Variants in PAMR1 observed in about 807,000 individuals in gnomAD.
PAMR1 encodes peptidase domain containing associated with muscle regeneration 1.
PAMR1 carries 88 observed loss-of-function variants against 81.8 expected under a neutral mutation model. That is an observed-to-expected ratio of 1.08 (90% CI 0.91 to 1.28). The LOEUF (loss-of-function observed/expected upper bound fraction) is 1.28, where lower values mean the gene tolerates loss of function less well. PAMR1 is among the 50% of genes most tolerant of loss of function. The pLI, the probability that PAMR1 is intolerant of heterozygous loss-of-function variation, is 0.00. For synonymous variants in PAMR1, 336 were observed against 345.3 expected, an observed-to-expected ratio of 0.97 and a Z score of 0.30; for missense variants, 935 against 919.7, an observed-to-expected ratio of 1.02 and a Z score of -0.21.
chr11:35,470,521 G>T, intron 5 of PAMR1, 80 bp downstream of exon 5: 1 of 1,075,814 alleles, frequency 9.3e-7, no homozygotes, highest in South Asian at 1.4e-5. Flanking sequence ...AGGATGAGAG[G>T]AAGAAAGGAA....
intron 3 of PAMR1, among the ~76,000 whole-genome samples, chr11:35,480,662 T>C (rs568905803): frequency 7.9e-5 from 12 of 152,340 alleles, no homozygotes; most frequent in Non-Finnish European, 1.6e-4. Flanking sequence ...TTTAAATACT[T>C]TTCAAATCTC....
intron 1 of PAMR1, among the ~76,000 whole-genome samples, chr11:35,508,218 A>G (rs757692552): frequency 8.5e-5 from 13 of 152,196 alleles, no homozygotes; most frequent in Non-Finnish European, 1.6e-4. Flanking sequence ...GAAGCTGGTT[A>G]TCCACCTCAA....
chr11:35,496,260 T>C (rs867873849), intron 1 of PAMR1, among the ~76,000 whole-genome samples: 4 of 152,248 alleles, frequency 2.6e-5, no homozygotes, highest in African/African-American at 7.2e-5. Context: ...AAAATAAAAA[T>C]GAATTAGACT....
At chr11:35,514,746 G>A (rs1181004238) in intron 1 of PAMR1, among the ~76,000 whole-genome samples, 1 of 152,182 alleles carries the variant, frequency 6.6e-6, no homozygotes, top group Non-Finnish European at 1.5e-5. Flanking sequence ...TAGAGCTTTG[G>A]GAGGCCGTGG....
chr11:35,441,298 A>C (rs1856158855), intron 7 of PAMR1, among the ~76,000 whole-genome samples, 183 bp downstream of exon 7: 1 of 149,084 alleles, frequency 6.7e-6, no homozygotes, highest in Non-Finnish European at 1.5e-5. Flanking sequence ...GGTCCTCTTG[A>C]GGTCAAAAAA....
rs1382725131 is a variant in PAMR1, at chr11:35,432,955, C to A, written c.1627-63G>T. The A allele has an allele frequency of 1.7e-5, 25 of 1,433,790 alleles. No individual in the cohort carries two copies. In the East Asian group the frequency reaches 5.5e-4, roughly 32 times the overall value. The allele number at this position is 1,433,790 out of a possible 1,614,324, so 88.8% of individuals were successfully genotyped here. On this transcript the variant is annotated intron_variant, in intron 10 of 10. Transcript: ENST00000619888. Reference sequence around the variant, plus strand: ...CAGCTCCACAGTGGATAAGAACAGACAAGGCTTGGAGCTAAATTTTTGGGA... The same window carrying A: ...CAGCTCCACAGTGGATAAGAACAGAAAAGGCTTGGAGCTAAATTTTTGGGA...
At chr11:35,524,596 C>A (rs146580809) in intron 1 of PAMR1, among the ~76,000 whole-genome samples, 1 of 152,156 alleles carries the variant, frequency 6.6e-6, no homozygotes, top group African/African-American at 2.4e-5. Context: ...ACATAACCTG[C>A]CCCTATTCAG....
At chr11:35,472,483 A>T (rs531208895) in intron 4 of PAMR1, among the ~76,000 whole-genome samples, 1 of 152,334 alleles carries the variant, frequency 6.6e-6, no homozygotes, top group South Asian at 2.1e-4. Context: ...CTGGGTTAGA[A>T]GATAGATAAT....
chr11:35,437,209 T>C (rs1400427157), intron 8 of PAMR1, among the ~76,000 whole-genome samples: 1 of 152,244 alleles, frequency 6.6e-6, no homozygotes, highest in African/African-American at 2.4e-5. Flanking sequence ...TGGCACCTAA[T>C]GACTGTCACC....
intron 10 of PAMR1, among the ~76,000 whole-genome samples, chr11:35,434,051 T>C (rs1164724541): frequency 1.3e-5 from 2 of 152,214 alleles, no homozygotes; most frequent in Non-Finnish European, 2.9e-5. Context: ...AAAAAGTATT[T>C]ATTGATAATC....
At chr11:35,522,109 A>C (rs1432273790) in intron 1 of PAMR1, among the ~76,000 whole-genome samples, 1 of 152,068 alleles carries the variant, frequency 6.6e-6, no homozygotes, top group Non-Finnish European at 1.5e-5. Context: ...TTTTTAGTAG[A>C]GACAGGGTTT....
chr11:35,432,976 T>C, intron 10 of PAMR1, 84 bp from the exon 11 acceptor site: 1 of 1,206,556 alleles, frequency 8.3e-7, no homozygotes, highest in Non-Finnish European at 1.1e-6. Context: ...GCTAAATTTT[T>C]GGGAGAAAAT....
chr11:35,489,806 T>C (rs1331919367), intron 3 of PAMR1, among the ~76,000 whole-genome samples: 3 of 152,210 alleles, frequency 2.0e-5, no homozygotes, highest in African/African-American at 7.2e-5. Flanking sequence ...TACCTCCCTC[T>C]CCCTGTCATT....
At chr11:35,527,838 A>G (rs866317083), upstream of PAMR1, among the ~76,000 whole-genome samples, 4 of 152,114 alleles carry the variant, frequency 2.6e-5, no homozygotes, top group Middle Eastern at 6.8e-3. Context: ...TCTTCCCAAG[A>G]CTTTGCTTCG....
At position 35,435,937 on chromosome 11, in the gene PAMR1, C is replaced by A. The variant is rs750310632; in HGVS notation, c.1299G>T (p.Gly433=). The change falls in exon 9 of 11, where the codon GGG becomes GGT. Residue 433 remains glycine (G), a synonymous_variant. Transcript: ENST00000619888. ...GSSRRTCLRT[G]KWSGRAPSCI... ...AGGATGGTGCCCGCCCACTCCACTT[C>A]CCAGTCCTCAGACATGTCCTCCTGC... 1.9e-6 allele frequency: 3 copies of A among 1,614,192 alleles called. No individual in the cohort carries two copies. Among genetic ancestry groups the A allele is most frequent in the Non-Finnish European group, 1.7e-6 (2 of 1,180,032 alleles).
At chr11:35,477,598 G>C (rs929007508) in intron 3 of PAMR1, among the ~76,000 whole-genome samples, 1 of 152,222 alleles carries the variant, frequency 6.6e-6, no homozygotes, top group Admixed American at 6.5e-5. Context: ...TGAATCAAAT[G>C]TGAATAAAAG....
At chr11:35,454,744 G>A (rs546165923) in intron 6 of PAMR1, among the ~76,000 whole-genome samples, 19 of 152,304 alleles carry the variant, frequency 1.2e-4, no homozygotes, top group Middle Eastern at 3.4e-3. Flanking sequence ...GCACTCCTAG[G>A]CAGTGAAAAG....
At chr11:35,456,757 A>G (rs939429311) in intron 6 of PAMR1, among the ~76,000 whole-genome samples, 25 of 152,196 alleles carry the variant, frequency 1.6e-4, no homozygotes, top group African/African-American at 5.8e-4. Context: ...CCTTCAGAAG[A>G]TACCAAATCC....
In PAMR1 at chr11:35,514,753, G is replaced by A. The variant is rs1183806315; in HGVS notation, c.73+10760C>T. 3.3e-5 allele frequency among the ~76,000 whole-genome samples: 5 copies of A among 152,310 alleles called. No individual in the cohort carries two copies. In the East Asian group the frequency reaches 5.8e-4, roughly 18 times the overall value. The stretch of plus-strand genomic sequence containing the variant: ...TGTAATCCTAGAGCTTTGGGAGGCC[G>A]TGGTGGGGAATGGCTTGAGGTCAGG... On this transcript the variant is annotated intron_variant, in intron 1 of 10. Transcript: ENST00000619888.
Sources: gnomAD v4.1 joint callset for allele counts (sites outside exome capture counted in the v4.1 genomes callset) on GRCh38, gnomAD v4.1.1 for gene constraint, MANE v1.5 for transcripts, NCBI Gene and HGNC (gene_info 2026-07-23, HGNC 2026-07-21) for gene names.